Variants in RHOT1 observed in about 807,000 individuals in gnomAD.
The protein encoded by RHOT1 is mitochondrial Rho GTPase 1.
Under a neutral mutation model 95.3 loss-of-function variants are expected in RHOT1, and 27 were observed. The ratio of observed to expected loss-of-function variants is 0.28; its 90% CI spans 0.21 to 0.39. RHOT1 has a LOEUF of 0.39. Among genes scored for constraint, RHOT1 ranks in the 10% least tolerant of loss-of-function variants. RHOT1 has a pLI of 1.00. For synonymous variants in RHOT1, 227 were observed against 263.5 expected, an observed-to-expected ratio of 0.86 and a Z score of 1.34; for missense variants, 578 against 786.7, an observed-to-expected ratio of 0.73 and a Z score of 3.17.
intron 1 of RHOT1, among the ~76,000 whole-genome samples, chr17:32,167,292 C>G (rs961622227): frequency 6.6e-6 from 1 of 151,712 alleles, no homozygotes; most frequent in Non-Finnish European, 1.5e-5. Context: ...CTTTGTTATT[C>G]CATTTATAGA....
chr17:32,200,458 A>G (rs899973296), intron 13 of RHOT1, among the ~76,000 whole-genome samples: 18 of 152,222 alleles, frequency 1.2e-4, no homozygotes, highest in East Asian at 5.8e-4. Flanking sequence ...TCTTCTCTGC[A>G]TTAAGAATGG....
chr17:32,151,006 A>G lies in RHOT1; in HGVS notation c.37+8277A>G, dbSNP rs2032214778. On this transcript the variant is annotated intron_variant, in intron 1 of 19. Transcript: ENST00000545287. ...GCTTCAATTTGAATCGCCGGTTCCT[A>G]AACCAAACCTGGGAGTGGGGGAAGA... The G allele has an allele frequency of 1.4e-5, 21 of 1,515,994 alleles. No individual in the cohort carries two copies. The South Asian group carries it at 2.3e-4, about 17-fold the overall frequency. The allele number at this position is 1,515,994 out of a possible 1,614,324, so 93.9% of individuals were successfully genotyped here. A position where few individuals can be genotyped will look rare whatever the true frequency, so the allele number is the denominator to read the frequency against.
intron 1 of RHOT1, among the ~76,000 whole-genome samples, chr17:32,149,597 A>ATATT (rs1471906704): frequency 1.9e-5 from 1 of 53,042 alleles, no homozygotes; most frequent in Non-Finnish European, 3.4e-5. Flanking sequence ...AGTTCTATAT[A>ATATT]TATATATATA....
At chr17:32,162,290 A>G (rs1448492919) in intron 1 of RHOT1, among the ~76,000 whole-genome samples, 1 of 152,220 alleles carries the variant, frequency 6.6e-6, no homozygotes, top group Non-Finnish European at 1.5e-5. Flanking sequence ...TCATAATAAA[A>G]GACACTCCTA....
At chr17:32,143,286 A>G (rs757979198) in intron 1 of RHOT1, among the ~76,000 whole-genome samples, 44 of 152,060 alleles carry the variant, frequency 2.9e-4, no homozygotes, top group Middle Eastern at 3.4e-3. Flanking sequence ...CGCAGTCTTC[A>G]CTCTCTCTAT....
intron 1 of RHOT1, among the ~76,000 whole-genome samples, chr17:32,158,838 A>G (rs955832304): frequency 3.9e-5 from 6 of 152,176 alleles, no homozygotes; most frequent in Non-Finnish European, 8.8e-5. Context: ...CAATTTTCCT[A>G]TACCAACTGA....
At chr17:32,180,465 G>C (rs965724635) in intron 6 of RHOT1, among the ~76,000 whole-genome samples, 5 of 151,600 alleles carry the variant, frequency 3.3e-5, no homozygotes, top group African/African-American at 9.7e-5. Context: ...CAGCATGCTC[G>C]TTAAGAGTCA....
chr17:32,162,648 G>A (rs1294066388), intron 1 of RHOT1, among the ~76,000 whole-genome samples: 1 of 152,138 alleles, frequency 6.6e-6, no homozygotes, highest in Non-Finnish European at 1.5e-5. Context: ...GATTCAGTCT[G>A]GTTGATGTGC....
chr17:32,148,332 T>G (rs2142353342), intron 1 of RHOT1, among the ~76,000 whole-genome samples: 1 of 152,334 alleles, frequency 6.6e-6, no homozygotes, highest in East Asian at 1.9e-4. Flanking sequence ...GAAGTTAAGC[T>G]GTCTTTAAAT....
intron 1 of RHOT1, among the ~76,000 whole-genome samples, chr17:32,156,649 G>T (rs371552330): frequency 1.3e-5 from 2 of 152,238 alleles, no homozygotes; most frequent in East Asian, 1.9e-4. Context: ...AGCATATGCC[G>T]TAAGCATTTA....
At chr17:32,151,158 G>T in intron 1 of RHOT1, 2 of 795,586 alleles carry the variant, frequency 2.5e-6, no homozygotes, top group Middle Eastern at 2.3e-4. Flanking sequence ...GACTCTGGTA[G>T]GTTGAGTTTC....
At chr17:32,218,056 T>A (rs1418184503) in intron 19 of RHOT1, among the ~76,000 whole-genome samples, 3 of 151,706 alleles carry the variant, frequency 2.0e-5, no homozygotes, top group African/African-American at 7.3e-5. Flanking sequence ...TAGAGACGGG[T>A]TTCACCATGT....
At chr17:32,194,623 G>A (rs182063142) in intron 11 of RHOT1, among the ~76,000 whole-genome samples, 2 of 152,184 alleles carry the variant, frequency 1.3e-5, no homozygotes, top group Admixed American at 6.5e-5. Flanking sequence ...GAGACTACAA[G>A]TATCTTTTTT....
intron 1 of RHOT1, among the ~76,000 whole-genome samples, chr17:32,149,669 A>ACCTG: frequency 8.5e-6 from 1 of 118,334 alleles, no homozygotes; most frequent in African/African-American, 3.4e-5. Flanking sequence ...GTGTATACAC[A>ACCTG]CATGCATACA....
At chr17:32,158,672 C>A (rs8080368) in intron 1 of RHOT1, among the ~76,000 whole-genome samples, 42,999 of 151,848 alleles carry the variant, frequency 0.28, 8,024 homozygotes, top group African/African-American at 0.54. Flanking sequence ...GTTGGCCAGG[C>A]TGGTCTTGAT....
chr17:32,224,082 C>G (rs992226975), intron 19 of RHOT1, among the ~76,000 whole-genome samples: 11 of 152,202 alleles, frequency 7.2e-5, no homozygotes, highest in Non-Finnish European at 1.2e-4. Flanking sequence ...CCTCCCCCTT[C>G]GGGTTTTTTG....
chr17:32,197,427 T>A (rs1270008252), intron 11 of RHOT1, among the ~76,000 whole-genome samples: 1 of 147,578 alleles, frequency 6.8e-6, no homozygotes, highest in African/African-American at 2.6e-5. Flanking sequence ...CTTATTTTTT[T>A]ATTTTTTTAT....
intron 8 of RHOT1, among the ~76,000 whole-genome samples, chr17:32,190,166 G>A (rs561305257): frequency 3.7e-4 from 57 of 152,162 alleles, no homozygotes; most frequent in Non-Finnish European, 7.4e-4. Context: ...AATGAAAAGT[G>A]CATCGTTGGC....
At chr17:32,171,014 T>C in intron 1 of RHOT1, 29 bp from the exon 2 acceptor site, 1 of 1,558,210 alleles carries the variant, frequency 6.4e-7, no homozygotes. Context: ...CCTAACACTT[T>C]ATTAAAGTAA....
Sources: gnomAD v4.1 joint callset for allele counts (sites outside exome capture counted in the v4.1 genomes callset) on GRCh38, gnomAD v4.1.1 for gene constraint, MANE v1.5 for transcripts, NCBI Gene and HGNC (gene_info 2026-07-23, HGNC 2026-07-21) for gene names.